PLCL1: variants seen among roughly 807,000 people sequenced by gnomAD.
The protein encoded by PLCL1 is inactive phospholipase C-like protein 1.
In PLCL1, 41 loss-of-function variants were observed where a neutral mutation model predicts 84.4. The observed-to-expected ratio is 0.49, with a 90% CI of 0.38 to 0.63. The LOEUF (loss-of-function observed/expected upper bound fraction) is 0.63, where lower values mean the gene tolerates loss of function less well. Among genes scored for constraint, PLCL1 ranks in the 30% least tolerant of loss-of-function variants. The probability of loss-of-function intolerance (pLI) is 0.00; values close to 1 mark genes in which losing one functional copy is unlikely to be tolerated. For synonymous variants in PLCL1, 490 were observed against 488.3 expected (o/e 1.00, Z -0.05); for missense variants, 1,206 against 1,367.8 (o/e 0.88, Z 1.87).
intron 1 of PLCL1, among the ~76,000 whole-genome samples, chr2:197,860,143 T>C (rs1687402019): frequency 6.6e-6 from 1 of 152,152 alleles, no homozygotes; most frequent in Admixed American, 6.6e-5. Context: ...TTTCTATGCC[T>C]GTGTTAGTTT....
intron 1 of PLCL1, among the ~76,000 whole-genome samples, chr2:197,952,273 G>A (rs1689403714): frequency 6.6e-6 from 1 of 152,066 alleles, no homozygotes; most frequent in Admixed American, 6.6e-5. Flanking sequence ...CTTTATTTAT[G>A]TCCTATCTTA....
chr2:197,990,105 G>A (rs1336677142), intron 1 of PLCL1, among the ~76,000 whole-genome samples: 1 of 152,142 alleles, frequency 6.6e-6, no homozygotes, highest in Non-Finnish European at 1.5e-5. Context: ...ACAGGGCGCT[G>A]CTCAATTACC....
chr2:198,088,825 C>A lies in PLCL1; in HGVS notation c.2716-33C>A, dbSNP rs746444171. The stretch of plus-strand genomic sequence containing the variant: ...TGCTGGCGGTGATGTGTCAGGTGGT[C>A]AGAAGTGTGATTCCATGTTTTCTTC... On this transcript the variant is annotated intron_variant, in intron 2 of 5. Coordinates refer to ENST00000428675, the MANE Select transcript of PLCL1 (RefSeq NM_006226.4). 48 of 1,327,552 alleles carry A rather than the reference C, an allele frequency of 3.6e-5. No individual in the cohort carries two copies. The Admixed American group carries it at 7.5e-4, about 21-fold the overall frequency. 82.2% of individuals were successfully genotyped at this position (1,327,552 alleles called of 1,614,324 possible).
At chr2:197,808,693 T>G (rs1690528679) in intron 1 of PLCL1, among the ~76,000 whole-genome samples, 1 of 152,220 alleles carries the variant, frequency 6.6e-6, no homozygotes, top group South Asian at 2.1e-4. Context: ...CAAATAGCTG[T>G]AGTGCAGTAA....
At chr2:198,012,553 T>A (rs956579070) in intron 1 of PLCL1, among the ~76,000 whole-genome samples, 1 of 152,038 alleles carries the variant, frequency 6.6e-6, no homozygotes, top group Non-Finnish European at 1.5e-5. Flanking sequence ...TTAAGCTATT[T>A]ACATTTAAGG....
Position 197,809,243 on chromosome 2 carries a change from T to C in PLCL1, c.240+3904T>C, listed in dbSNP as rs566569860. ...GTATCACTTAAACCTCACAGGAAAC[T>C]CTCTAAAGTATGGAAGGAAGGCACA... On this transcript the variant is annotated intron_variant, in intron 1 of 5. Coordinates refer to ENST00000428675, the MANE Select transcript of PLCL1 (RefSeq NM_006226.4). Among the ~76,000 whole-genome samples the C allele has an allele frequency of 9.2e-5, 14 of 152,258 alleles. No individual in the cohort carries two copies. In the South Asian group the frequency reaches 2.9e-3, roughly 32 times the overall value.
chr2:197,833,031 T>C (rs934475799), intron 1 of PLCL1, among the ~76,000 whole-genome samples: 5 of 152,216 alleles, frequency 3.3e-5, no homozygotes, highest in Middle Eastern at 3.4e-3. Flanking sequence ...AGTGAAACCT[T>C]GTCCTTAATA....
At chr2:198,129,963 C>T (rs1202888139) in intron 5 of PLCL1, among the ~76,000 whole-genome samples, 1 of 152,036 alleles carries the variant, frequency 6.6e-6, no homozygotes, top group Non-Finnish European at 1.5e-5. Flanking sequence ...TAGTTGGGAA[C>T]ATTCTACGTG....
intron 1 of PLCL1, among the ~76,000 whole-genome samples, chr2:197,844,794 C>A (rs1035123394): frequency 2.6e-5 from 4 of 151,970 alleles, no homozygotes; most frequent in African/African-American, 4.8e-5. Flanking sequence ...ACTCTGTGTT[C>A]TGTTCTTATA....
chr2:197,862,538 A>G (rs1056943577), intron 1 of PLCL1, among the ~76,000 whole-genome samples: 5 of 152,132 alleles, frequency 3.3e-5, no homozygotes, highest in African/African-American at 1.2e-4. Flanking sequence ...GTACAGCTGG[A>G]TGTAGGGGCC....
chr2:197,966,414 C>A (rs1689736093), intron 1 of PLCL1, among the ~76,000 whole-genome samples: 4 of 152,110 alleles, frequency 2.6e-5, no homozygotes, highest in African/African-American at 9.7e-5. Flanking sequence ...TAAGCCTTGC[C>A]AGAATTCAGG....
At chr2:198,086,297 T>C in intron 2 of PLCL1, 65 bp downstream of exon 2, 1 of 1,187,272 alleles carries the variant, frequency 8.4e-7, no homozygotes, top group Non-Finnish European at 1.2e-6. Flanking sequence ...AATGTTTTAT[T>C]AATAATCTGA....
chr2:197,820,757 C>A (rs895069178), intron 1 of PLCL1, among the ~76,000 whole-genome samples: 1 of 152,076 alleles, frequency 6.6e-6, no homozygotes, highest in Non-Finnish European at 1.5e-5. Context: ...CTGTTCTGAA[C>A]TTCTTCAAGA....
intron 1 of PLCL1, among the ~76,000 whole-genome samples, chr2:197,847,906 A>G (rs913186568): frequency 2.6e-5 from 4 of 152,210 alleles, no homozygotes; most frequent in Admixed American, 2.6e-4. Flanking sequence ...GGTTTGGGTT[A>G]TATTTTGACA....
At chr2:198,038,025 T>C (rs2105856108) in intron 1 of PLCL1, among the ~76,000 whole-genome samples, 1 of 152,324 alleles carries the variant, frequency 6.6e-6, no homozygotes, top group East Asian at 1.9e-4. Context: ...AGTGGAGCCA[T>C]ACTCAAAAGC....
intron 1 of PLCL1, among the ~76,000 whole-genome samples, chr2:198,083,015 T>C (rs1174205481): frequency 2.6e-5 from 4 of 152,222 alleles, no homozygotes; most frequent in Non-Finnish European, 5.9e-5. Flanking sequence ...CCTGTAAATC[T>C]TCTGGCAAAG....
chr2:198,126,895 C>G (rs1340912565), intron 5 of PLCL1, among the ~76,000 whole-genome samples: 2 of 151,844 alleles, frequency 1.3e-5, no homozygotes, highest in Non-Finnish European at 2.9e-5. Context: ...AGAGTGAGAC[C>G]CTGTCTCAAA....
At chr2:197,906,244 A>G (rs1171680850) in intron 1 of PLCL1, among the ~76,000 whole-genome samples, 1 of 152,078 alleles carries the variant, frequency 6.6e-6, no homozygotes, top group Non-Finnish European at 1.5e-5. Context: ...ATTTTTGTGT[A>G]AGGTGTAAGG....
At chr2:197,904,311 ACT>A (rs983348657) in intron 1 of PLCL1, among the ~76,000 whole-genome samples, 3 of 151,962 alleles carry the variant, frequency 2.0e-5, no homozygotes, top group Admixed American at 6.6e-5. Context: ...TATTCCCTTA[ACT>A]GAATTTTGGG....
Sources: gnomAD v4.1 joint callset for allele counts (sites outside exome capture counted in the v4.1 genomes callset) on GRCh38, gnomAD v4.1.1 for gene constraint, MANE v1.5 for transcripts, NCBI Gene and HGNC (gene_info 2026-07-23, HGNC 2026-07-21) for gene names.